The following NBPF8 variants were observed in gnomAD, a reference collection of about 807,000 sequenced individuals.
NBPF8 encodes NBPF family member NBPF8.
chr1:120,436,476 T>A (rs1661083314), exon 1 of NBPF8: 6 of 1,303,778 alleles, frequency 4.6e-6, no homozygotes, highest in Admixed American at 1.7e-5. Context: ...TGTTTGGGTT[T>A]CTTCTCCCCA....
At chr1:120,451,726 C>G (rs1661277852) in intron 12 of NBPF8, among the ~76,000 whole-genome samples, 1 of 149,004 alleles carries the variant, frequency 6.7e-6, no homozygotes. Flanking sequence ...TTCGCCCCAT[C>G]TGCACCTGGC....
At chr1:120,418,416 A>G (rs1303585738), upstream of NBPF8, among the ~76,000 whole-genome samples, 57 of 106,290 alleles carry the variant, frequency 5.4e-4, no homozygotes, top group Middle Eastern at 4.3e-3. Context: ...TTTATACTTC[A>G]TTGTTCTTAG....
intron 16 of NBPF8, among the ~76,000 whole-genome samples, chr1:120,456,556 G>A (rs1661441876): frequency 8.5e-6 from 1 of 116,976 alleles, no homozygotes; most frequent in Non-Finnish European, 1.7e-5. Context: ...TTGTTTGAAA[G>A]TCTGTTTTAT....
intron 1 of NBPF8, among the ~76,000 whole-genome samples, chr1:120,420,596 G>C (rs1470186445): frequency 6.7e-6 from 1 of 150,174 alleles, no homozygotes; most frequent in Non-Finnish European, 1.5e-5. Context: ...GTGCCCTCTA[G>C]ATGTGTCCAG....
exon 21 of NBPF8, chr1:120,462,899 C>T: frequency 2.2e-6 from 1 of 445,718 alleles, no homozygotes; most frequent in Admixed American, 4.7e-5. Flanking sequence ...CTGACTTAGG[C>T]CAGCCCTACA....
chr1:120,450,962 A>AGGT (rs1661252262), intron 11 of NBPF8, among the ~76,000 whole-genome samples: 31 of 151,482 alleles, frequency 2.0e-4, no homozygotes, highest in Non-Finnish European at 2.9e-5. Flanking sequence ...AACTTCCTTG[A>AGGT]TGTGCCCTTG....
At position 120,462,258 on chromosome 1, in the gene NBPF8, G is replaced by T. The variant is rs1437637685; in HGVS notation, n.3061+61G>T. On this transcript the variant is annotated intron_variant and non_coding_transcript_variant, in intron 20 of 24. Coordinates refer to ENST00000583271, the Ensembl canonical transcript of NBPF8. ...TTGACACCTGGAGATGCCAGGTCCAGGGAAAGCAAGAGTGTGTTCAATTTC... is the reference window on the plus strand; with the variant it reads ...TTGACACCTGGAGATGCCAGGTCCATGGAAAGCAAGAGTGTGTTCAATTTC... 6 of 702,614 alleles carry T rather than the reference G, an allele frequency of 8.5e-6. 1 individual carries two copies. Among genetic ancestry groups the T allele is most frequent in the Middle Eastern group, 3.7e-4 (1 of 2,668 alleles). The allele number at this position is 702,614 out of a possible 1,614,324, so 43.5% of individuals were successfully genotyped here. A position where few individuals can be genotyped will look rare whatever the true frequency, so the allele number is the denominator to read the frequency against.
upstream of NBPF8, among the ~76,000 whole-genome samples, chr1:120,431,369 T>TATATATATTTATCATCTCCAAATAGGGA (rs1660872405): frequency 9.1e-5 from 2 of 22,088 alleles, no homozygotes; most frequent in Non-Finnish European, 1.8e-4. Flanking sequence ...AATATATATA[T>TATATATATTTATCATCTCCAAATAGGGA]ATATATATAT....
intron 18 of NBPF8, among the ~76,000 whole-genome samples, 166 bp from the exon 17 acceptor site, chr1:120,461,088 C>T (rs1263074920): frequency 7.1e-6 from 1 of 140,498 alleles, no homozygotes; most frequent in Non-Finnish European, 1.5e-5. Flanking sequence ...TCCTTTTCTA[C>T]CTGGCCCTAG....
rs1661613582 is a variant in NBPF8, at chr1:120,462,299, G to T, written n.3061+102G>T. ...GTTCAATTTCATGTTTTCAACGAAG[G>T]TTGAAATACTCCTCCTGACATTGCT... On this transcript the variant is annotated intron_variant and non_coding_transcript_variant, in intron 20 of 24. Coordinates refer to ENST00000583271, the Ensembl canonical transcript of NBPF8. 4.5e-6 allele frequency: 3 copies of T among 669,780 alleles called. 1 individual carries two copies. Among genetic ancestry groups the T allele is most frequent in the Admixed American group, 4.4e-5 (2 of 45,396 alleles). 41.5% of individuals were successfully genotyped at this position (669,780 alleles called of 1,614,324 possible). A position where few individuals can be genotyped will look rare whatever the true frequency, so the allele number is the denominator to read the frequency against.
intron 13 of NBPF8, among the ~76,000 whole-genome samples, chr1:120,452,865 G>A (rs1431648960): frequency 1.4e-4 from 22 of 152,288 alleles, no homozygotes; most frequent in South Asian, 4.1e-4. Context: ...ATGTGGGGGC[G>A]TTTTGTGGTA....
At chr1:120,425,461 C>A (rs1464456881) in intron 1 of NBPF8, among the ~76,000 whole-genome samples, 2 of 151,990 alleles carry the variant, frequency 1.3e-5, no homozygotes, top group Admixed American at 6.5e-5. Context: ...CATTTGTTAA[C>A]GTGTTTACCT....
chr1:120,454,255 C>A, intron 15 of NBPF8, 141 bp downstream of exon 13: 1 of 1,548,978 alleles, frequency 6.5e-7, no homozygotes, highest in Non-Finnish European at 8.8e-7. Context: ...GTTTTTTTGT[C>A]CTTCACAGCT....
upstream of NBPF8, among the ~76,000 whole-genome samples, chr1:120,415,326 A>G (rs1660400178): frequency 1.3e-5 from 2 of 151,690 alleles, no homozygotes; most frequent in Admixed American, 1.3e-4. Flanking sequence ...ACCCGCGGGT[A>G]CACAGCTGGG....
chr1:120,429,115 T>A (rs201325609), intron 3 of NBPF8, among the ~76,000 whole-genome samples: 1 of 152,250 alleles, frequency 6.6e-6, no homozygotes, highest in East Asian at 1.9e-4. Context: ...TGTGCACACT[T>A]GTAGTTAGGT....
chr1:120,452,335 AGGTGGC>A lies in NBPF8; in HGVS notation n.2289+5_2289+10del. Reference sequence around the variant, plus strand: ...CTTGTCCAAAAGCTCAGCCCAGGTAAGGTGGCCATAGGCCCTGATGACCCAAAATCC... The same window carrying A: ...CTTGTCCAAAAGCTCAGCCCAGGTAACATAGGCCCTGATGACCCAAAATCC... On this transcript the variant is annotated splice_donor_5th_base_variant and intron_variant and non_coding_transcript_variant, in intron 13 of 24. Coordinates refer to ENST00000583271, the Ensembl canonical transcript of NBPF8. 7.4e-7 allele frequency: 1 copy of A among 1,359,946 alleles called. No homozygotes were observed. The highest frequency in any genetic ancestry group is 1.2e-5 in the South Asian group (1 of 86,312). 84.2% of individuals were successfully genotyped at this position (1,359,946 alleles called of 1,614,324 possible). A position where few individuals can be genotyped will look rare whatever the true frequency, so the allele number is the denominator to read the frequency against.
chr1:120,450,539 A>G (rs1444765263), intron 11 of NBPF8, among the ~76,000 whole-genome samples: 19 of 152,174 alleles, frequency 1.2e-4, no homozygotes, highest in Non-Finnish European at 5.9e-5. Context: ...GTCTCCTAGA[A>G]CATTTATTGG....
At chr1:120,464,670 G>A in intron 23 of NBPF8, 122 bp downstream of exon 21, 1 of 609,832 alleles carries the variant, frequency 1.6e-6, no homozygotes, top group Non-Finnish European at 2.9e-6. Context: ...GGACCTATAG[G>A]CACATGTAGG....
At chr1:120,459,594 T>C (rs1661516958) in intron 17 of NBPF8, 64 bp downstream of exon 15, 1 of 1,378,628 alleles carries the variant, frequency 7.3e-7, no homozygotes, top group Admixed American at 1.7e-5. Context: ...CCCATAATCT[T>C]TGGGCCTTGT....
Sources: gnomAD v4.1 joint callset for allele counts (sites outside exome capture counted in the v4.1 genomes callset) on GRCh38, gnomAD v4.1.1 for gene constraint, MANE v1.5 for transcripts, NCBI Gene and HGNC (gene_info 2026-07-23, HGNC 2026-07-21) for gene names.